AR: variants seen among roughly 807,000 people sequenced by gnomAD.
AR encodes the protein androgen receptor.
Under a neutral mutation model 53.9 loss-of-function variants are expected in AR, and 8 were observed. The observed-to-expected ratio is 0.15, with a 90% confidence interval of 0.09 to 0.27. The LOEUF (loss-of-function observed/expected upper bound fraction) is 0.27, where lower values mean the gene tolerates loss of function less well. Among genes scored for constraint, AR ranks in the 10% least tolerant of loss-of-function variants. The pLI is 1.00. For synonymous variants in AR, 359 were observed against 316.4 expected (o/e 1.13, Z -1.43); for missense variants, 639 against 742.5 (o/e 0.86, Z 1.62).
At chrX:67,636,419 T>C (rs1156476586) in intron 1 of AR, among the ~76,000 whole-genome samples, 1 of 112,012 alleles carries the variant, frequency 8.9e-6, no homozygotes, top group Admixed American at 9.5e-5. Context: ...AATCATATTG[T>C]ATGTATCCTA....
chrX:67,603,453 C>T (rs2147378487), intron 1 of AR, among the ~76,000 whole-genome samples: 1 of 111,322 alleles, frequency 9.0e-6, no homozygotes, highest in South Asian at 3.8e-4. Context: ...GTGAACTGGG[C>T]CTTGAAGAAT....
intron 2 of AR, among the ~76,000 whole-genome samples, chrX:67,667,053 A>G (rs1042875465): frequency 7.2e-5 from 8 of 111,083 alleles, no homozygotes; most frequent in African/African-American, 2.6e-4. Context: ...GCTGTGCAGA[A>G]GGTTTTTAAC....
At chrX:67,617,877 G>C (rs1569283800) in intron 1 of AR, among the ~76,000 whole-genome samples, 1 of 111,493 alleles carries the variant, frequency 9.0e-6, no homozygotes, top group Non-Finnish European at 1.9e-5. Flanking sequence ...AAGAAAAGCA[G>C]GCTCCGTCTG....
At chrX:67,673,042 AG>A (rs1375142819) in intron 2 of AR, among the ~76,000 whole-genome samples, 3 of 103,619 alleles carry the variant, frequency 2.9e-5, no homozygotes, top group African/African-American at 1.2e-4. Context: ...CTAGGGTAAA[AG>A]TTTTTTTTTT....
chrX:67,685,700 T>C (rs1292512519), intron 2 of AR, among the ~76,000 whole-genome samples: 1 of 111,568 alleles, frequency 9.0e-6, no homozygotes, highest in Non-Finnish European at 1.9e-5. Context: ...CATGGGCATT[T>C]CTGACTTTTG....
At chrX:67,654,145 G>A (rs1342698041) in intron 2 of AR, among the ~76,000 whole-genome samples, 1 of 110,810 alleles carries the variant, frequency 9.0e-6, no homozygotes, top group African/African-American at 3.3e-5. Flanking sequence ...AATCACTTTT[G>A]TATGCCTCTA....
chrX:67,648,974 A>G (rs1212744776), intron 2 of AR, among the ~76,000 whole-genome samples: 1 of 111,589 alleles, frequency 9.0e-6, no homozygotes, highest in African/African-American at 3.3e-5. Flanking sequence ...TGCTGCAACC[A>G]ACAACCCGTC....
chrX:67,617,591 G>A (rs1924183053), intron 1 of AR, among the ~76,000 whole-genome samples: 1 of 111,794 alleles, frequency 8.9e-6, no homozygotes, highest in Non-Finnish European at 1.9e-5. Flanking sequence ...AGCTTCCCTT[G>A]AAGGTTCCCT....
At chrX:67,708,797 G>T (rs751475952) in intron 3 of AR, among the ~76,000 whole-genome samples, 1 of 111,592 alleles carries the variant, frequency 9.0e-6, no homozygotes, top group East Asian at 2.8e-4. Flanking sequence ...CTTTGATGAT[G>T]GTGACATACA....
Position 67,729,138 on chromosome X carries a change from CTGTG to C in AR, c.*5300_*5303del, listed in dbSNP as rs371245906. On this transcript the variant is annotated 3_prime_UTR_variant, in exon 8 of 8. Transcript: ENST00000374690. ...TTGAGGTGCTCTTGTTACTGGGTGT[CTGTG>C]TGCTGTAATTCTGGTTTTGGATATG... 1.4e-3 allele frequency: 247 copies of C among 174,995 alleles called. No homozygotes were observed. Among genetic ancestry groups the C allele is most frequent in the African/African-American group, 6.9e-3 (237 of 34,248 alleles). The allele number at this position is 174,995 out of a possible 1,213,427, so 14.4% of individuals were successfully genotyped here.
intron 2 of AR, among the ~76,000 whole-genome samples, chrX:67,684,431 C>T (rs1046696769): frequency 4.5e-5 from 5 of 111,345 alleles, no homozygotes; most frequent in Middle Eastern, 4.6e-3. Context: ...ATAGTAGGCA[C>T]CCAATAAATA....
intron 2 of AR, among the ~76,000 whole-genome samples, chrX:67,660,791 A>G (rs985482267): frequency 9.0e-6 from 1 of 111,624 alleles, no homozygotes; most frequent in African/African-American, 3.3e-5. Context: ...TTGAATCTAT[A>G]AATTACCTTG....
intron 1 of AR, among the ~76,000 whole-genome samples, chrX:67,554,785 A>T (rs2147331166): frequency 9.1e-6 from 1 of 109,815 alleles, no homozygotes; most frequent in East Asian, 2.9e-4. Context: ...AAAATACAAA[A>T]ATTATCCAGG....
rs1206863775 is a variant in AR, at chrX:67,545,316, T to TGCTGCAGCA, written c.172_173insTGCAGCAGC (p.Leu57_Gln58insLeuGlnGln). 49 of 1,003,921 alleles carry TGCTGCAGCA rather than the reference T, an allele frequency of 4.9e-5. No individual in the cohort carries two copies. Among genetic ancestry groups the TGCTGCAGCA allele is most frequent in the Admixed American group, 9.6e-5 (3 of 31,098 alleles). 82.7% of individuals were successfully genotyped at this position (1,003,921 alleles called of 1,213,427 possible). A position where few individuals can be genotyped will look rare whatever the true frequency, so the allele number is the denominator to read the frequency against. Reference sequence around the variant, plus strand: ...CCTCCCGGCGCCAGTTTGCTGCTGCTGCAGCAGCAGCAGCAGCAGCAGCAG... The same window carrying TGCTGCAGCA: ...CCTCCCGGCGCCAGTTTGCTGCTGCTGCTGCAGCAGCAGCAGCAGCAGCAGCAGCAGCAG... On this transcript the variant is annotated inframe_insertion, in exon 1 of 8. Coordinates refer to ENST00000374690, the MANE Select transcript of AR (RefSeq NM_000044.6).
chrX:67,682,045 C>A (rs1026286047), intron 2 of AR, among the ~76,000 whole-genome samples: 16 of 111,161 alleles, frequency 1.4e-4, no homozygotes, highest in African/African-American at 5.2e-4. Context: ...TAAAATCTTT[C>A]AAGAAATTGG....
At chrX:67,600,975 T>C (rs1923326769) in intron 1 of AR, among the ~76,000 whole-genome samples, 1 of 111,874 alleles carries the variant, frequency 8.9e-6, no homozygotes, top group South Asian at 3.7e-4. Context: ...TTTTGTATGT[T>C]AGTTAGCAAA....
At chrX:67,663,746 T>A (rs1927088844) in intron 2 of AR, among the ~76,000 whole-genome samples, 1 of 112,425 alleles carries the variant, frequency 8.9e-6, no homozygotes, top group South Asian at 3.7e-4. Context: ...ATTCTCCCCA[T>A]CACTTTCAGG....
At chrX:67,568,212 C>T (rs1480761658) in intron 1 of AR, among the ~76,000 whole-genome samples, 2 of 111,983 alleles carry the variant, frequency 1.8e-5, no homozygotes, top group Non-Finnish European at 3.8e-5. Context: ...AAGCATTACT[C>T]TTCTTTCCAT....
At chrX:67,572,914 T>C (rs1459773972) in intron 1 of AR, among the ~76,000 whole-genome samples, 2 of 111,792 alleles carry the variant, frequency 1.8e-5, no homozygotes, top group East Asian at 2.8e-4. Flanking sequence ...ATTGCGTACA[T>C]GTAAAGTGTT....
Sources: gnomAD v4.1 joint callset for allele counts (sites outside exome capture counted in the v4.1 genomes callset) on GRCh38, gnomAD v4.1.1 for gene constraint, MANE v1.5 for transcripts, NCBI Gene and HGNC (gene_info 2026-07-23, HGNC 2026-07-21) for gene names.